The following KIZ variants were observed in gnomAD, a reference collection of about 807,000 sequenced individuals.
KIZ encodes kizuna centrosomal protein, also known as centrosomal protein kizuna.
In KIZ, 68 loss-of-function variants were observed where a neutral mutation model predicts 79.6. The observed-to-expected ratio is 0.85, with a 90% CI of 0.70 to 1.05. KIZ has a LOEUF of 1.05. KIZ is among the 50% of genes least tolerant of loss of function. KIZ has a pLI of 0.00. For missense variants in KIZ, 797 were observed against 800.4 expected, an observed-to-expected ratio of 1.00 and a Z score of 0.05; for synonymous variants, 280 against 281.8, an observed-to-expected ratio of 0.99 and a Z score of 0.06.
intron 1 of KIZ, among the ~76,000 whole-genome samples, chr20:21,129,429 G>A (rs1458584242): frequency 6.6e-6 from 1 of 152,146 alleles, no homozygotes; most frequent in East Asian, 1.9e-4. Flanking sequence ...AGTCATAGGT[G>A]AATTTTAGAA....
At chr20:21,178,512 T>C (rs2145099) in intron 6 of KIZ, among the ~76,000 whole-genome samples, 88,493 of 151,358 alleles carry the variant, frequency 0.58, 27,532 homozygotes, top group South Asian at 0.78. Context: ...TTTCTATATA[T>C]CATGTCATCT....
chr20:21,221,992 G>C (rs1273560114), intron 9 of KIZ, among the ~76,000 whole-genome samples: 6 of 152,194 alleles, frequency 3.9e-5, no homozygotes, highest in African/African-American at 1.4e-4. Flanking sequence ...GAAACCCCCA[G>C]CTTGTGCAAA....
At chr20:21,163,843 T>C (rs891954943) in intron 6 of KIZ, among the ~76,000 whole-genome samples, 1 of 152,238 alleles carries the variant, frequency 6.6e-6, no homozygotes, top group East Asian at 1.9e-4. Context: ...AGAAAGTTCT[T>C]GTGTATCTAC....
intron 6 of KIZ, among the ~76,000 whole-genome samples, chr20:21,183,895 C>G (rs1273531490): frequency 6.6e-6 from 1 of 152,142 alleles, no homozygotes; most frequent in Non-Finnish European, 1.5e-5. Context: ...TTCTTAGGCC[C>G]TGCAGCTGGA....
chr20:21,189,903 G>GC (rs2035041173), intron 6 of KIZ, among the ~76,000 whole-genome samples: 1 of 152,088 alleles, frequency 6.6e-6, no homozygotes, highest in Non-Finnish European at 1.5e-5. Flanking sequence ...CCTTCAAGTG[G>GC]CCCCCTGGAA....
At chr20:21,214,247 C>T (rs369858854) in intron 7 of KIZ, among the ~76,000 whole-genome samples, 1 of 151,982 alleles carries the variant, frequency 6.6e-6, no homozygotes, top group Admixed American at 6.6e-5. Context: ...CAGAGGTGGT[C>T]ACGTTTCATA....
chr20:21,135,564 T>A (rs947808529), intron 2 of KIZ, among the ~76,000 whole-genome samples: 21 of 152,260 alleles, frequency 1.4e-4, no homozygotes, highest in African/African-American at 5.1e-4. Context: ...TTTGCAAATC[T>A]TTGTTTTGAG....
intron 6 of KIZ, chr20:21,196,182 G>C (rs984694777): frequency 1.3e-5 from 2 of 152,158 alleles, no homozygotes; most frequent in Non-Finnish European, 2.9e-5. Context: ...ATTTTCCATT[G>C]CTATCCTACT....
chr20:21,233,309 TCTTG>T (rs2036895996), intron 11 of KIZ, among the ~76,000 whole-genome samples: 1 of 152,270 alleles, frequency 6.6e-6, no homozygotes, highest in Admixed American at 6.5e-5. Flanking sequence ...TCTAATACTT[TCTTG>T]CTTATTTTCC....
At chr20:21,234,419 T>G (rs1453542523) in intron 11 of KIZ, among the ~76,000 whole-genome samples, 1 of 150,494 alleles carries the variant, frequency 6.6e-6, no homozygotes, top group Non-Finnish European at 1.5e-5. Flanking sequence ...AATAATCCAG[T>G]GATGAAAAGG....
intron 1 of KIZ, among the ~76,000 whole-genome samples, chr20:21,127,920 G>GA (rs903504641): frequency 7.9e-4 from 120 of 151,710 alleles, no homozygotes; most frequent in African/African-American, 2.6e-3. Flanking sequence ...AGTAAAAAAA[G>GA]AAAAAAAAGC....
At chr20:21,144,589 G>GA (rs761674702) in intron 3 of KIZ, among the ~76,000 whole-genome samples, 77 of 150,338 alleles carry the variant, frequency 5.1e-4, no homozygotes, top group African/African-American at 1.0e-3. Context: ...CTCTGCTGGA[G>GA]AAAAAAAAAT....
At chr20:21,239,601 C>T (rs2037148413) in intron 11 of KIZ, among the ~76,000 whole-genome samples, 1 of 152,178 alleles carries the variant, frequency 6.6e-6, no homozygotes, top group Admixed American at 6.5e-5. Context: ...CAAAGCAAAA[C>T]CTATTGTCAG....
intron 6 of KIZ, among the ~76,000 whole-genome samples, chr20:21,201,719 A>G (rs559079656): frequency 6.6e-6 from 1 of 152,350 alleles, no homozygotes; most frequent in South Asian, 2.1e-4. Flanking sequence ...CTGACATTAA[A>G]CTTTGTTTTT....
intron 6 of KIZ, among the ~76,000 whole-genome samples, chr20:21,175,405 T>C (rs2034392193): frequency 1.3e-5 from 2 of 152,166 alleles, no homozygotes; most frequent in Admixed American, 1.3e-4. Flanking sequence ...GTATAGGAGA[T>C]ATTAAAAGAA....
intron 3 of KIZ, among the ~76,000 whole-genome samples, chr20:21,141,456 A>C (rs1380250472): frequency 6.6e-6 from 1 of 152,162 alleles, no homozygotes; most frequent in African/African-American, 2.4e-5. Context: ...GCAAGGTTGT[A>C]GGTGGTAGGG....
At position 21,201,677 on chromosome 20, in the gene KIZ, T is replaced by G. The variant is rs79907513; in HGVS notation, c.1353-3814T>G. The stretch of plus-strand genomic sequence containing the variant: ...TTAATTATAGACAATTCAAACTATA[T>G]TCCTTTATTACATTTTTAATTAAAG... On this transcript the variant is annotated intron_variant, in intron 6 of 12. Coordinates refer to ENST00000619189, the MANE Select transcript of KIZ (RefSeq NM_018474.6). 7.9e-5 allele frequency among the ~76,000 whole-genome samples: 12 copies of G among 152,386 alleles called. No individual in the cohort carries two copies. In the East Asian group the frequency reaches 2.1e-3, roughly 27 times the overall value.
At chr20:21,215,779 A>T in intron 9 of KIZ, 131 bp downstream of exon 9, 1 of 554,046 alleles carries the variant, frequency 1.8e-6, no homozygotes, top group Admixed American at 3.0e-5. Context: ...CTGGAGCAGG[A>T]GATTAATCCT....
intron 1 of KIZ, among the ~76,000 whole-genome samples, chr20:21,131,499 G>A (rs138995535): frequency 1.0e-3 from 152 of 152,268 alleles, no homozygotes; most frequent in African/African-American, 3.6e-3. Flanking sequence ...CTGTGCCCAG[G>A]CTTGTCTGGT....
Sources: gnomAD v4.1 joint callset for allele counts (sites outside exome capture counted in the v4.1 genomes callset) on GRCh38, gnomAD v4.1.1 for gene constraint, MANE v1.5 for transcripts, NCBI Gene and HGNC (gene_info 2026-07-23, HGNC 2026-07-21) for gene names.